Variants in CCDC149 observed in about 807,000 individuals in gnomAD.
CCDC149 encodes the protein coiled-coil domain containing 149.
CCDC149 carries 45 observed loss-of-function variants against 59.9 expected under a neutral mutation model. The observed-to-expected ratio is 0.75, with a 90% CI of 0.59 to 0.96. CCDC149 has a LOEUF of 0.96. CCDC149 is among the 40% of genes least tolerant of loss of function. CCDC149 has a pLI of 0.00. For synonymous variants in CCDC149, 245 were observed against 260.6 expected (o/e 0.94, Z 0.58); for missense variants, 584 against 664.7 (o/e 0.88, Z 1.33).
intron 4 of CCDC149, among the ~76,000 whole-genome samples, chr4:24,840,847 G>C (rs1156608654): frequency 6.6e-6 from 1 of 152,174 alleles, no homozygotes; most frequent in African/African-American, 2.4e-5. Flanking sequence ...ATGTTAAACA[G>C]AGACACACAT....
At chr4:24,913,402 A>G (rs1722013955), upstream of CCDC149, among the ~76,000 whole-genome samples, 1 of 152,242 alleles carries the variant, frequency 6.6e-6, no homozygotes, top group Non-Finnish European at 1.5e-5. Context: ...ATCCTGGCCC[A>G]TAGGAGATGC....
At chr4:24,833,241 C>A (rs557347452) in intron 8 of CCDC149, among the ~76,000 whole-genome samples, 10 of 145,720 alleles carry the variant, frequency 6.9e-5, no homozygotes, top group East Asian at 4.0e-4. Flanking sequence ...AAAAAAAAAA[C>A]CCGGCTTTTT....
At chr4:24,853,341 C>A in intron 3 of CCDC149, 162 bp from the exon 4 acceptor site, 1 of 622,174 alleles carries the variant, frequency 1.6e-6, no homozygotes, top group South Asian at 1.9e-5. Flanking sequence ...TGAATCACAC[C>A]ACTACAATGG....
chr4:24,859,629 T>C (rs1253338877), intron 3 of CCDC149, among the ~76,000 whole-genome samples: 3 of 152,222 alleles, frequency 2.0e-5, no homozygotes, highest in South Asian at 2.1e-4. Context: ...ATAAAAGGCA[T>C]CCAAATCAGT....
chr4:24,935,550 C>T (rs565249469), intron 1 of CCDC149, among the ~76,000 whole-genome samples: 8 of 152,182 alleles, frequency 5.3e-5, no homozygotes, highest in Admixed American at 2.6e-4. Flanking sequence ...GAGTGGGATT[C>T]GTGCCCTTAT....
intron 1 of CCDC149, among the ~76,000 whole-genome samples, chr4:24,898,780 G>A (rs1182754935): frequency 6.6e-6 from 1 of 152,124 alleles, no homozygotes; most frequent in East Asian, 1.9e-4. Context: ...CAAGAGAAGT[G>A]GGAGACCCAA....
intron 4 of CCDC149, among the ~76,000 whole-genome samples, 180 bp downstream of exon 4, chr4:24,852,892 C>G (rs1199631721): frequency 6.6e-6 from 1 of 152,052 alleles, no homozygotes. Flanking sequence ...CATGCATGCA[C>G]ACACACAAAG....
intron 1 of CCDC149, among the ~76,000 whole-genome samples, chr4:24,923,252 A>T (rs1722347471): frequency 6.6e-6 from 1 of 152,156 alleles, no homozygotes; most frequent in African/African-American, 2.4e-5. Context: ...TAAACTGCAA[A>T]CCTTGGTCAG....
rs367963476 is a variant in CCDC149, at chr4:24,867,158, G to A, written c.264+6523C>T. On this transcript the variant is annotated intron_variant, in intron 3 of 12. Transcript: ENST00000635206. ...TCACAGGAAAAATTAAAAATATCCA[G>A]TATTCATTGAGCACTCTCCAACTAA... Among the ~76,000 whole-genome samples, 458 of 152,284 alleles carry A rather than the reference G, an allele frequency of 3.0e-3. 19 individuals are homozygous for A. The South Asian group carries it at 0.081, about 27-fold the overall frequency.
At chr4:24,812,618 G>C (rs1391328957) in intron 12 of CCDC149, among the ~76,000 whole-genome samples, 1 of 152,156 alleles carries the variant, frequency 6.6e-6, no homozygotes, top group Non-Finnish European at 1.5e-5. Flanking sequence ...TCCTGTCTTT[G>C]TCCCTCTGTA....
At chr4:24,910,581 A>T (rs1266000988) in intron 1 of CCDC149, among the ~76,000 whole-genome samples, 1 of 152,222 alleles carries the variant, frequency 6.6e-6, no homozygotes, top group Non-Finnish European at 1.5e-5. Flanking sequence ...AAGAAACACC[A>T]AGCCATTTGC....
chr4:24,884,142 G>C (rs1052486524), intron 1 of CCDC149, among the ~76,000 whole-genome samples: 4 of 152,212 alleles, frequency 2.6e-5, no homozygotes, highest in African/African-American at 7.2e-5. Context: ...TTAGGTCTAA[G>C]AGGCCACCTA....
At chr4:24,916,424 T>C (rs1722121090), upstream of CCDC149, among the ~76,000 whole-genome samples, 1 of 152,128 alleles carries the variant, frequency 6.6e-6, no homozygotes, top group Non-Finnish European at 1.5e-5. Flanking sequence ...AAAGAAAGGA[T>C]GATTTGAACT....
chr4:24,869,373 T>C (rs1198593406), intron 3 of CCDC149, among the ~76,000 whole-genome samples: 1 of 152,208 alleles, frequency 6.6e-6, no homozygotes, highest in Non-Finnish European at 1.5e-5. Context: ...CCTGGGCTCC[T>C]GGGCCCTGCT....
chr4:24,811,835 T>C (rs1209072185), intron 12 of CCDC149, among the ~76,000 whole-genome samples: 2 of 147,776 alleles, frequency 1.4e-5, no homozygotes, highest in African/African-American at 2.5e-5. Context: ...ATTGTGTCAA[T>C]GCACTCCAGC....
At chr4:24,834,151 G>C (rs1255393194) in intron 8 of CCDC149, among the ~76,000 whole-genome samples, 3 of 152,162 alleles carry the variant, frequency 2.0e-5, no homozygotes, top group African/African-American at 4.8e-5. Context: ...AAAGAGCCTT[G>C]GTTGTTATGT....
chr4:24,951,653 T>C (rs1459309625), intron 1 of CCDC149, among the ~76,000 whole-genome samples: 1 of 152,148 alleles, frequency 6.6e-6, no homozygotes, highest in African/African-American at 2.4e-5. Context: ...CCATCCCAAA[T>C]GCACCTGTGA....
intron 1 of CCDC149, among the ~76,000 whole-genome samples, chr4:24,895,282 G>T (rs1432389117): frequency 6.6e-6 from 1 of 152,160 alleles, no homozygotes; most frequent in East Asian, 1.9e-4. Flanking sequence ...GGTTACACAG[G>T]TATGTGCACA....
intron 1 of CCDC149, among the ~76,000 whole-genome samples, chr4:24,970,222 A>G (rs1723918520): frequency 6.6e-6 from 1 of 152,180 alleles, no homozygotes; most frequent in Admixed American, 6.5e-5. Flanking sequence ...GACTCAGCCC[A>G]CACCTACACT....
Sources: gnomAD v4.1 joint callset for allele counts (sites outside exome capture counted in the v4.1 genomes callset) on GRCh38, gnomAD v4.1.1 for gene constraint, MANE v1.5 for transcripts, NCBI Gene and HGNC (gene_info 2026-07-23, HGNC 2026-07-21) for gene names.